Variants in CLTRN observed in about 807,000 individuals in gnomAD.
CLTRN encodes the protein collectrin.
In CLTRN, 12 loss-of-function variants were observed where a neutral mutation model predicts 14.5. That is an observed-to-expected ratio of 0.83 (90% CI 0.53 to 1.34). The LOEUF is 1.34. CLTRN is among the 40% of genes most tolerant of loss of function. The probability of loss-of-function intolerance (pLI) is 0.00; values close to 1 mark genes in which losing one functional copy is unlikely to be tolerated. For synonymous variants in CLTRN, 58 were observed against 56.5 expected (o/e 1.03, Z -0.12); for missense variants, 154 against 165.1 (o/e 0.93, Z 0.37).
At position 15,671,844 on chromosome X, in the gene CLTRN, G is replaced by GCACA. The variant is rs199900262; in HGVS notation, c.-506+3141_-506+3144dup. Among the ~76,000 whole-genome samples, 757 of 90,033 alleles carry GCACA rather than the reference G, an allele frequency of 8.4e-3. 3 individuals are homozygous for GCACA. Among genetic ancestry groups the GCACA allele is most frequent in the Middle Eastern group, 0.04 (7 of 177 alleles). 78.2% of individuals were successfully genotyped at this position (90,033 alleles called of 115,157 possible). Reference sequence around the variant, plus strand: ...TTTTGGTATGCTTAATTTTATGCGCGCACACACACACACACACACACACAC... The same window carrying GCACA: ...TTTTGGTATGCTTAATTTTATGCGCGCACACACACACACACACACACACACACAC... On this transcript the variant is annotated intron_variant, in intron 1 of 6. Coordinates refer to the CLTRN transcript ENST00000650271.
chrX:15,638,611 A>T (rs1215468782), intron 5 of CLTRN, among the ~76,000 whole-genome samples: 1 of 111,926 alleles, frequency 8.9e-6, no homozygotes, highest in African/African-American at 3.2e-5. Context: ...TCAGAAAGGA[A>T]GGTTTACAAG....
chrX:15,632,219 CTCTGT>C (rs1928710625), intron 5 of CLTRN, among the ~76,000 whole-genome samples: 1 of 111,823 alleles, frequency 8.9e-6, no homozygotes, highest in Non-Finnish European at 1.9e-5. Flanking sequence ...ACGGGGTTTG[CTCTGT>C]TCTAAGATAA....
intron 3 of CLTRN, among the ~76,000 whole-genome samples, chrX:15,654,691 G>A (rs1389729328): frequency 1.8e-5 from 2 of 112,604 alleles, no homozygotes; most frequent in Admixed American, 1.9e-4. Flanking sequence ...TGATGATTTT[G>A]AAAGAGTTGT....
At chrX:15,659,226 A>C in intron 2 of CLTRN, 125 bp from the exon 3 acceptor site, 1 of 287,990 alleles carries the variant, frequency 3.5e-6, no homozygotes, top group Non-Finnish European at 6.5e-6. Flanking sequence ...ACACACACAC[A>C]CGTTTCTCAT....
upstream of CLTRN, among the ~76,000 whole-genome samples, chrX:15,668,974 C>T (rs773739098): frequency 1.8e-5 from 2 of 111,375 alleles, no homozygotes; most frequent in Non-Finnish European, 3.8e-5. Context: ...TTTTCTAATA[C>T]GTGTATTAAT....
chrX:15,657,017 G>C (rs974398208), intron 3 of CLTRN, among the ~76,000 whole-genome samples: 1 of 81,689 alleles, frequency 1.2e-5, no homozygotes, highest in Non-Finnish European at 2.4e-5. Context: ...TTTTTTTTTT[G>C]AGACAGAGTC....
chrX:15,651,100 T>C (rs1258538864), intron 3 of CLTRN, among the ~76,000 whole-genome samples: 2 of 110,496 alleles, frequency 1.8e-5, no homozygotes, highest in Non-Finnish European at 3.8e-5. Context: ...GGGACTGAGG[T>C]GAAAAAGAGA....
At chrX:15,640,837 G>A (rs766397921) in intron 4 of CLTRN, among the ~76,000 whole-genome samples, 2 of 112,104 alleles carry the variant, frequency 1.8e-5, no homozygotes, top group South Asian at 3.7e-4. Context: ...AGGAGCTTAC[G>A]GTCTAGAAGG....
At chrX:15,661,227 T>C (rs775861166) in intron 2 of CLTRN, among the ~76,000 whole-genome samples, 209 of 112,286 alleles carry the variant, frequency 1.9e-3, no homozygotes, top group African/African-American at 6.2e-3. Context: ...ATAAGCTCAG[T>C]GCAGAAAATG....
chrX:15,629,541 T>C (rs955706936), intron 5 of CLTRN, among the ~76,000 whole-genome samples: 12 of 111,575 alleles, frequency 1.1e-4, no homozygotes, highest in Non-Finnish European at 2.3e-4. Flanking sequence ...ATAAAAATTG[T>C]ATATATTTCA....
chrX:15,659,233 T>A, intron 2 of CLTRN, 132 bp from the exon 3 acceptor site: 1 of 280,930 alleles, frequency 3.6e-6, no homozygotes, highest in Non-Finnish European at 6.6e-6. Context: ...CACACGTTTC[T>A]CATATATTAG....
rs374523972 is a variant in CLTRN, at chrX:15,628,033, T to G, written c.607A>C (p.Met203Leu). The G allele has an allele frequency of 2.3e-5, 26 of 1,142,975 alleles. No individual in the cohort carries two copies. The highest frequency in any genetic ancestry group is 2.6e-5 in the Non-Finnish European group (22 of 857,351). 94.2% of individuals were successfully genotyped at this position (1,142,975 alleles called of 1,213,427 possible). Residue 203 changes from methionine to leucine, a missense_variant, in exon 6 of 6, where the codon ATG (methionine) becomes CTG (leucine). By Grantham distance (15) the Met-to-Leu change is conservative. Transcript: ENST00000380342. ...GCATCATTAATATGCCCTCCCTTCATGTCCAGGGGATCAGAGGGGATGCCA... is the reference window on the plus strand; with the variant it reads ...GCATCATTAATATGCCCTCCCTTCAGGTCCAGGGGATCAGAGGGGATGCCA... ...ENGIPSDPLD[M>L]KGGHINDAFM...
upstream of CLTRN, chrX:15,664,868 A>G (rs2147215884): frequency 6.5e-6 from 5 of 767,553 alleles, no homozygotes; most frequent in East Asian, 9.8e-5. Context: ...CCGGATTAGA[A>G]TATCAGAGAA....
At chrX:15,646,644 A>T (rs1357910747) in intron 3 of CLTRN, 1 of 341,393 alleles carries the variant, frequency 2.9e-6, no homozygotes, top group East Asian at 9.7e-5. Flanking sequence ...CCGGAGAGAG[A>T]TGGTGCCCGC....
At chrX:15,674,284 C>A (rs1457095931) in intron 1 of CLTRN, among the ~76,000 whole-genome samples, 1 of 111,838 alleles carries the variant, frequency 8.9e-6, no homozygotes, top group Non-Finnish European at 1.9e-5. Context: ...GAGCAGGGGG[C>A]TGCAAACAGA....
intron 3 of CLTRN, chrX:15,646,462 A>T (rs868659413): frequency 1.7e-5 from 3 of 177,563 alleles, no homozygotes; most frequent in Non-Finnish European, 3.5e-5. Context: ...CCGCGCACCC[A>T]CCCCCCCGCC....
At chrX:15,646,787 C>T (rs986450714) in intron 3 of CLTRN, 3 of 333,557 alleles carry the variant, frequency 9.0e-6, no homozygotes, top group South Asian at 5.2e-5. Context: ...GGCTTTGGAC[C>T]GCCGCCACCC....
chrX:15,646,480 CG>C, intron 3 of CLTRN: 1 of 303,350 alleles, frequency 3.3e-6, no homozygotes, highest in Non-Finnish European at 6.5e-6. Flanking sequence ...GCCCGACCCC[CG>C]CGCCAGAAGC....
chrX:15,664,427 A>G, intron 1 of CLTRN, 32 bp from the exon 2 acceptor site: 1 of 1,127,108 alleles, frequency 8.9e-7, no homozygotes, highest in Non-Finnish European at 1.2e-6. Context: ...AGAGCAGTAT[A>G]TGATGATTAG....
Sources: allele counts gnomAD v4.1 joint callset (sites outside exome capture counted in the v4.1 genomes callset), GRCh38; gene constraint gnomAD v4.1.1; transcripts MANE v1.5; gene names NCBI Gene and HGNC (gene_info 2026-07-23, HGNC 2026-07-21).